Variants in SLC17A6 observed in about 807,000 individuals in gnomAD.
The protein encoded by SLC17A6 is solute carrier family 17 member 6.
Under a neutral mutation model 67.1 loss-of-function variants are expected in SLC17A6, and 35 were observed. The ratio of observed to expected loss-of-function variants is 0.52; its 90% CI spans 0.40 to 0.69. The LOEUF is 0.69. SLC17A6 is among the 30% of genes least tolerant of loss of function. The probability of loss-of-function intolerance (pLI) is 0.00; values close to 1 mark genes in which losing one functional copy is unlikely to be tolerated. For synonymous variants in SLC17A6, 285 were observed against 252.3 expected (o/e 1.13, Z -1.23); for missense variants, 588 against 723.9 (o/e 0.81, Z 2.15).
chr11:22,364,476 C>G (rs1256747078), intron 6 of SLC17A6, among the ~76,000 whole-genome samples: 2 of 152,076 alleles, frequency 1.3e-5, no homozygotes, highest in African/African-American at 4.8e-5. Flanking sequence ...GAATAAATGA[C>G]AGTCAGGATT....
At chr11:22,370,402 A>C (rs186425950) in intron 8 of SLC17A6, among the ~76,000 whole-genome samples, 363 of 152,286 alleles carry the variant, frequency 2.4e-3, no homozygotes, top group African/African-American at 8.5e-3. Flanking sequence ...CTGAGAATAC[A>C]GGCAAAACAA....
intron 3 of SLC17A6, among the ~76,000 whole-genome samples, chr11:22,356,672 T>C (rs2133867327): frequency 6.6e-6 from 1 of 152,188 alleles, no homozygotes; most frequent in Non-Finnish European, 1.5e-5. Flanking sequence ...CAGTGTATAC[T>C]AAAAATACAA....
At chr11:22,360,054 T>A (rs1856032564) in intron 4 of SLC17A6, among the ~76,000 whole-genome samples, 1 of 151,982 alleles carries the variant, frequency 6.6e-6, no homozygotes, top group Admixed American at 6.6e-5. Context: ...CAATTTCCCC[T>A]TCTCTTTCCA....
rs752588423 is a variant in SLC17A6 at position 22,377,727 on chromosome 11, T to C, written c.1736T>C (p.Val579Ala). The change falls in exon 12 of 12, where the codon GTT becomes GCT. Residue 579 changes from valine to alanine, a missense_variant. Physicochemically the swap from Val to Ala is moderately conservative, Grantham distance 64. Transcript: ENST00000263160. ...GACTCACATAGCTATAAGGACCGAG[T>C]TGATTATTCATAACAAAACTAATTA... ...VQDSHSYKDRVDYS is the reference protein window; with the variant it reads ...VQDSHSYKDRADYS 1.9e-6 allele frequency: 3 copies of C among 1,568,458 alleles called. No homozygotes were observed. The highest frequency in any genetic ancestry group is 4.5e-5 in the East Asian group (2 of 44,304).
intron 8 of SLC17A6, among the ~76,000 whole-genome samples, chr11:22,370,836 C>T (rs1446362403): frequency 6.8e-6 from 1 of 147,532 alleles, no homozygotes; most frequent in African/African-American, 2.7e-5. Context: ...CTTCCACAGA[C>T]ATTTGTTCAG....
intron 10 of SLC17A6, 97 bp from the exon 11 acceptor site, chr11:22,376,448 C>T (rs1455215400): frequency 7.5e-7 from 1 of 1,339,196 alleles, no homozygotes; most frequent in South Asian, 1.3e-5. Context: ...TGTTCTGTAC[C>T]CAGTATATTT....
At position 22,376,234 on chromosome 11, in the gene SLC17A6, A is replaced by G. The variant is rs1856231516; in HGVS notation, c.1285+142A>G. 1.5e-5 allele frequency: 9 copies of G among 585,992 alleles called. No individual in the cohort carries two copies. In the East Asian group the frequency reaches 2.7e-4, roughly 17 times the overall value. The allele number at this position is 585,992 out of a possible 1,614,324, so 36.3% of individuals were successfully genotyped here. ...AATAGTCAAATATTTCCACTAGAAA[A>G]TGAAAAAAATAAAATATTGAGAAAA... On this transcript the variant is annotated intron_variant, in intron 10 of 11. Coordinates refer to ENST00000263160, the MANE Select transcript of SLC17A6 (RefSeq NM_020346.3).
intron 3 of SLC17A6, among the ~76,000 whole-genome samples, chr11:22,356,385 G>A (rs1156486930): frequency 6.6e-6 from 1 of 152,018 alleles, no homozygotes; most frequent in African/African-American, 2.4e-5. Context: ...TTGATAATCA[G>A]AATTTTAATT....
chr11:22,365,752 A>G, intron 7 of SLC17A6, 63 bp downstream of exon 7: 1 of 1,515,250 alleles, frequency 6.6e-7, no homozygotes. Flanking sequence ...TTGACCAACC[A>G]AACTATCTTA....
At chr11:22,369,662 C>T (rs977254287) in intron 7 of SLC17A6, among the ~76,000 whole-genome samples, 90 of 151,620 alleles carry the variant, frequency 5.9e-4, no homozygotes, top group African/African-American at 1.9e-3. Flanking sequence ...ATCACAAGCT[C>T]ACTGATGTGG....
rs35587437 is a variant in SLC17A6 at position 22,375,039 on chromosome 11, CA to C, written c.1174+155del. The stretch of plus-strand genomic sequence containing the variant: ...TTAAAATAACTTCCTCATATTACAT[CA>C]AATTTTTCATAACTCCTAGTTTTAA... On this transcript the variant is annotated intron_variant, in intron 9 of 11. Transcript: ENST00000263160. The C allele has an allele frequency of 1.9e-3, 1,549 of 816,430 alleles. 20 individuals carry two copies. The African/African-American group carries it at 0.025, about 13-fold the overall frequency. 50.6% of individuals were successfully genotyped at this position (816,430 alleles called of 1,614,324 possible). A position where few individuals can be genotyped will look rare whatever the true frequency, so the allele number is the denominator to read the frequency against.
chr11:22,346,000 T>A (rs1476343135), intron 3 of SLC17A6, among the ~76,000 whole-genome samples: 2 of 152,200 alleles, frequency 1.3e-5, no homozygotes, highest in African/African-American at 4.8e-5. Flanking sequence ...CCTATTATGA[T>A]CTCTTTTTCA....
At chr11:22,360,870 A>T (rs1856044812) in intron 4 of SLC17A6, 27 bp from the exon 5 acceptor site, 1 of 1,576,762 alleles carries the variant, frequency 6.3e-7, no homozygotes, top group Non-Finnish European at 8.7e-7. Context: ...AAATGGTGAC[A>T]GTGATGAGTA....
chr11:22,375,926 C>T, intron 9 of SLC17A6, 56 bp from the exon 10 acceptor site: 1 of 1,272,232 alleles, frequency 7.9e-7, no homozygotes, highest in South Asian at 1.4e-5. Flanking sequence ...GCAGTTTTGG[C>T]TCATTGGTAA....
At position 22,374,823 on chromosome 11, in the gene SLC17A6, A is replaced by T; in HGVS notation, c.1110A>T (p.Ala370=). The part of the protein sequence containing the change: ...TIIVPIGGQI[A]DFLRSKQILS... ...TTGTGCCTATTGGGGGACAAATTGC[A>T]GATTTTCTAAGAAGCAAGCAGATTC... The change falls in exon 9 of 12, where the codon GCA becomes GCT. Residue 370 remains alanine (A), a synonymous_variant. Transcript: ENST00000263160. The T allele has an allele frequency of 6.2e-7, 1 of 1,613,778 alleles. No homozygotes were observed. The highest frequency in any genetic ancestry group is 8.5e-7 in the Non-Finnish European group (1 of 1,179,868).
At chr11:22,365,417 C>G in intron 6 of SLC17A6, 130 bp from the exon 7 acceptor site, 1 of 1,067,408 alleles carries the variant, frequency 9.4e-7, no homozygotes, top group African/African-American at 1.6e-5. Flanking sequence ...TGGCTAACGT[C>G]AGTTGGAGAA....
chr11:22,340,941 G>C lies in SLC17A6; in HGVS notation c.87-587G>C, dbSNP rs185990302. On this transcript the variant is annotated intron_variant, in intron 1 of 11. Coordinates refer to ENST00000263160, the MANE Select transcript of SLC17A6 (RefSeq NM_020346.3). ...AGGGGGTGCTCCAGGCTCAGCTCAGGGGGTGGATTGGGGAGCGGAATACCA... is the reference window on the plus strand; with the variant it reads ...AGGGGGTGCTCCAGGCTCAGCTCAGCGGGTGGATTGGGGAGCGGAATACCA... 3.3e-3 allele frequency among the ~76,000 whole-genome samples: 501 copies of C among 152,216 alleles called. 2 individuals are homozygous for C. The highest frequency in any genetic ancestry group is 0.012 in the African/African-American group (481 of 41,564).
Position 22,365,582 on chromosome 11 carries a change from T to G in SLC17A6, c.784T>G (p.Leu262Val). The G allele has an allele frequency of 6.2e-7, 1 of 1,614,040 alleles. No homozygotes were observed. The highest frequency in any genetic ancestry group is 8.5e-7 in the Non-Finnish European group (1 of 1,179,904). The change falls in exon 7 of 12, where the codon TTG becomes GTG. Residue 262 changes from leucine (L) to valine (V), a missense_variant. By Grantham distance (32) the Leu-to-Val change is conservative. Around this residue, in one of 4 missense-constraint regions of SLC17A6, gnomAD observed 414 missense variants for 563.4 expected, o/e 0.73. Coordinates refer to ENST00000263160, the MANE Select transcript of SLC17A6 (RefSeq NM_020346.3). ...AATGGTCTGGTACATGTTTTGGCTT[T>G]TGGTGTCTTATGAAAGTCCTGCAAA... ...FGMVWYMFWL[L>V]VSYESPAKHP...
At chr11:22,349,917 A>C (rs1855919838) in intron 3 of SLC17A6, among the ~76,000 whole-genome samples, 1 of 152,154 alleles carries the variant, frequency 6.6e-6, no homozygotes, top group African/African-American at 2.4e-5. Flanking sequence ...TTAGTTCCAC[A>C]CCTGAGGTGA....
Sources: gnomAD v4.1 joint callset for allele counts (sites outside exome capture counted in the v4.1 genomes callset) on GRCh38, gnomAD v4.1.1 for gene constraint, gnomAD v4.1.1 regional missense constraint, MANE v1.5 for transcripts, NCBI Gene and HGNC (gene_info 2026-07-23, HGNC 2026-07-21) for gene names.